Variants in HOMER1 observed in about 807,000 individuals in gnomAD.
HOMER1 encodes the protein homer scaffold protein 1, also known as homer protein homolog 1.
A neutral mutation model predicts 48.9 loss-of-function variants in HOMER1; 3 were observed. That is an observed-to-expected ratio of 0.06 (90% CI 0.03 to 0.16). The LOEUF is 0.16. Among genes scored for constraint, HOMER1 ranks in the 10% least tolerant of loss-of-function variants. The pLI is 1.00. For missense variants in HOMER1, 247 were observed against 411.4 expected (o/e 0.60, Z 3.46); for synonymous variants, 134 against 146.4 (o/e 0.92, Z 0.61).
At chr5:79,386,685 A>G (rs1202647297) in intron 8 of HOMER1, among the ~76,000 whole-genome samples, 1 of 152,186 alleles carries the variant, frequency 6.6e-6, no homozygotes, top group Non-Finnish European at 1.5e-5. Flanking sequence ...CCCTGACTTG[A>G]TCATTACACA....
chr5:79,392,958 A>G (rs1374498234), intron 8 of HOMER1, among the ~76,000 whole-genome samples: 33 of 67,084 alleles, frequency 4.9e-4, no homozygotes, highest in African/African-American at 2.4e-3. Context: ...GGAAAGGGAG[A>G]GAGAGAGAGA....
chr5:79,496,880 C>A lies in HOMER1; in HGVS notation c.5+15890G>T, dbSNP rs549636509. 2.8e-4 allele frequency among the ~76,000 whole-genome samples: 43 copies of A among 151,846 alleles called. 1 individual carries two copies. Among genetic ancestry groups the A allele is most frequent in the African/African-American group, 9.9e-4 (41 of 41,400 alleles). ...GAGAGTTCGAGACCAGCCTGGCCAA[C>A]ATGATGAAACCCCATCTCTACTAAA... On this transcript the variant is annotated intron_variant, in intron 1 of 8. Coordinates refer to ENST00000334082, the MANE Select transcript of HOMER1 (RefSeq NM_004272.5).
At chr5:79,452,058 A>G (rs1226533304) in intron 2 of HOMER1, among the ~76,000 whole-genome samples, 2 of 152,154 alleles carry the variant, frequency 1.3e-5, no homozygotes, top group Non-Finnish European at 2.9e-5. Context: ...CTAAAAACCT[A>G]TGCATACTCA....
intron 1 of HOMER1, among the ~76,000 whole-genome samples, chr5:79,502,141 T>G (rs1044733927): frequency 5.3e-5 from 8 of 149,684 alleles, no homozygotes; most frequent in Admixed American, 4.7e-4. Context: ...TGCCTCAGCC[T>G]CCCAAGTAGC....
At chr5:79,491,116 T>C (rs1752264198) in intron 1 of HOMER1, among the ~76,000 whole-genome samples, 3 of 119,672 alleles carry the variant, frequency 2.5e-5, no homozygotes, top group African/African-American at 8.9e-5. Context: ...AAAAAGCTTG[T>C]CATGCTCTTT....
At position 79,513,194 on chromosome 5, in the gene HOMER1, A is replaced by G; in HGVS notation, c.-420T>C. On this transcript the variant is annotated 5_prime_UTR_variant, in exon 1 of 9. Transcript: ENST00000334082. ...TTTTCGGAGCTAAGGCTGCGGGTTC[A>G]AATTTCTCCACCACACCAGGTCTCC... 5.7e-6 allele frequency: 1 copy of G among 174,070 alleles called. No homozygotes were observed. The highest frequency in any genetic ancestry group is 1.2e-5 in the Non-Finnish European group (1 of 82,464). 10.8% of individuals were successfully genotyped at this position (174,070 alleles called of 1,614,324 possible).
chr5:79,482,679 A>G (rs1178828459), intron 1 of HOMER1, among the ~76,000 whole-genome samples: 1 of 152,108 alleles, frequency 6.6e-6, no homozygotes, highest in African/African-American at 2.4e-5. Flanking sequence ...TATGCATGCA[A>G]CTGAAGTCCT....
chr5:79,513,062 G>C lies in HOMER1; in HGVS notation c.-288C>G, dbSNP rs1752985478. The C allele has an allele frequency of 8.4e-6, 4 of 475,114 alleles. No homozygotes were observed. The South Asian group carries it at 1.1e-4, about 14-fold the overall frequency. The allele number at this position is 475,114 out of a possible 1,614,324, so 29.4% of individuals were successfully genotyped here. A position where few individuals can be genotyped will look rare whatever the true frequency, so the allele number is the denominator to read the frequency against. ...TCTATTCCACAAAATGAGTCTACAAGTAGGGAAATGCAGAATCCGGCTTCA... is the reference window on the plus strand; with the variant it reads ...TCTATTCCACAAAATGAGTCTACAACTAGGGAAATGCAGAATCCGGCTTCA... On this transcript the variant is annotated 5_prime_UTR_variant, in exon 1 of 9. Transcript: ENST00000334082.
chr5:79,423,362 C>T (rs1344020949), intron 5 of HOMER1, among the ~76,000 whole-genome samples: 1 of 152,066 alleles, frequency 6.6e-6, no homozygotes, highest in East Asian at 1.9e-4. Context: ...AGAAATTTAT[C>T]CCATTATAAT....
chr5:79,415,600 C>T lies in HOMER1; in HGVS notation c.528-13545G>A, dbSNP rs1220714786. Among the ~76,000 whole-genome samples the T allele has an allele frequency of 3.9e-5, 6 of 151,932 alleles. No homozygotes were observed. In the East Asian group the frequency reaches 5.8e-4, roughly 15 times the overall value. On this transcript the variant is annotated intron_variant, in intron 5 of 8. Transcript: ENST00000334082. The stretch of plus-strand genomic sequence containing the variant: ...GTTGTCATAGTCATAGTTTAATTGA[C>T]GATATTTTTTCTTGGTGTATCGTAG...
At chr5:79,461,704 A>C (rs1447845269) in intron 1 of HOMER1, among the ~76,000 whole-genome samples, 1 of 152,160 alleles carries the variant, frequency 6.6e-6, no homozygotes, top group African/African-American at 2.4e-5. Context: ...TGAGGTAAAT[A>C]TCTCACTGAA....
intron 1 of HOMER1, among the ~76,000 whole-genome samples, chr5:79,498,605 C>T (rs1752488223): frequency 6.6e-6 from 1 of 152,192 alleles, no homozygotes; most frequent in South Asian, 2.1e-4. Context: ...CCCCACCAGT[C>T]CCTACTGTCT....
At chr5:79,475,379 T>C (rs909928019) in intron 1 of HOMER1, among the ~76,000 whole-genome samples, 1 of 151,470 alleles carries the variant, frequency 6.6e-6, no homozygotes, top group African/African-American at 2.4e-5. Flanking sequence ...AACTCATGCC[T>C]GACCCATGCA....
intron 5 of HOMER1, among the ~76,000 whole-genome samples, chr5:79,411,282 C>G (rs535669668): frequency 6.6e-6 from 1 of 152,024 alleles, no homozygotes; most frequent in African/African-American, 2.4e-5. Context: ...CTCAGGAGTT[C>G]GAGGCCAGCC....
At chr5:79,420,529 T>C (rs1054302607) in intron 5 of HOMER1, among the ~76,000 whole-genome samples, 12 of 152,212 alleles carry the variant, frequency 7.9e-5, no homozygotes, top group Non-Finnish European at 1.5e-4. Context: ...TGTGGCACTT[T>C]CCATAACAGT....
chr5:79,444,938 C>A (rs1750835939), intron 4 of HOMER1, among the ~76,000 whole-genome samples: 1 of 152,116 alleles, frequency 6.6e-6, no homozygotes, highest in Admixed American at 6.5e-5. Flanking sequence ...ATTGCATGTA[C>A]AGACGTATAA....
chr5:79,469,363 C>A (rs1751559281), intron 1 of HOMER1, among the ~76,000 whole-genome samples: 1 of 152,130 alleles, frequency 6.6e-6, no homozygotes, highest in African/African-American at 2.4e-5. Context: ...GTTTTTCAAG[C>A]AGTAAATTCC....
rs1292679848 is a variant in HOMER1, at chr5:79,439,096, C to T, written c.441G>A (p.Gly147=). 5 of 1,613,770 alleles carry T rather than the reference C, an allele frequency of 3.1e-6. No homozygotes were observed. The highest frequency in any genetic ancestry group is 4.2e-6 in the Non-Finnish European group (5 of 1,179,814). The part of the protein sequence containing the change: ...QSPLTPESIN[G]TDDERTPDVT... The stretch of plus-strand genomic sequence containing the variant: ...CATCAGGTGTTCTTTCATCATCTGT[C>T]CCGTTGATACTTTCCGGTGTTAAAG... The change falls in exon 5 of 9, where the codon GGG becomes GGA. Residue 147 remains glycine (G), a synonymous_variant. Coordinates refer to ENST00000334082, the MANE Select transcript of HOMER1 (RefSeq NM_004272.5).
intron 1 of HOMER1, among the ~76,000 whole-genome samples, chr5:79,468,330 T>C (rs1374446322): frequency 6.6e-6 from 1 of 152,184 alleles, no homozygotes; most frequent in African/African-American, 2.4e-5. Context: ...ATCAAGTATT[T>C]CCAATAAACA....
Sources: allele counts gnomAD v4.1 joint callset (sites outside exome capture counted in the v4.1 genomes callset), GRCh38; gene constraint gnomAD v4.1.1; transcripts MANE v1.5; gene names NCBI Gene and HGNC (gene_info 2026-07-23, HGNC 2026-07-21).